The following TMCC3 variants were observed in gnomAD, a reference collection of about 807,000 sequenced individuals.
TMCC3 encodes the protein transmembrane and coiled-coil domain protein 3.
A neutral mutation model predicts 40.2 loss-of-function variants in TMCC3; 28 were observed. The ratio of observed to expected loss-of-function variants is 0.70; its 90% CI spans 0.52 to 0.95. The LOEUF (loss-of-function observed/expected upper bound fraction) is 0.95. Ranked by LOEUF, TMCC3 falls within the 40% of genes least tolerant of loss-of-function variation. The pLI is 0.00. For missense variants in TMCC3, 554 were observed against 615.2 expected (o/e 0.90, Z 1.05); for synonymous variants, 255 against 248.5 (o/e 1.03, Z -0.25).
At chr12:94,602,843 G>A (rs1335854063) in intron 1 of TMCC3, among the ~76,000 whole-genome samples, 5 of 152,110 alleles carry the variant, frequency 3.3e-5, no homozygotes, top group African/African-American at 1.2e-4. Flanking sequence ...GTGACCTCAA[G>A]AAGACAACTG....
At chr12:94,583,222 C>T (rs1202855430) in intron 1 of TMCC3, among the ~76,000 whole-genome samples, 5 of 149,566 alleles carry the variant, frequency 3.3e-5, no homozygotes, top group Non-Finnish European at 7.4e-5. Flanking sequence ...GGGCGTGGCG[C>T]TGCTGGGCGA....
intron 1 of TMCC3, among the ~76,000 whole-genome samples, chr12:94,625,484 C>T (rs1437315530): frequency 6.6e-6 from 1 of 151,460 alleles, no homozygotes; most frequent in Non-Finnish European, 1.5e-5. Flanking sequence ...GTCCCAAATA[C>T]TCAGGAGGCT....
At chr12:94,619,277 G>C (rs1353694830) in intron 1 of TMCC3, among the ~76,000 whole-genome samples, 1 of 152,146 alleles carries the variant, frequency 6.6e-6, no homozygotes, top group Non-Finnish European at 1.5e-5. Flanking sequence ...GCCTGATCTA[G>C]AGCAGGATTT....
intron 1 of TMCC3, among the ~76,000 whole-genome samples, chr12:94,585,589 C>T (rs966852197): frequency 2.0e-5 from 3 of 151,850 alleles, no homozygotes; most frequent in East Asian, 1.9e-4. Context: ...CCCAGCTACC[C>T]GGGAGGCTGA....
At chr12:94,618,056 C>A (rs982569570) in intron 1 of TMCC3, among the ~76,000 whole-genome samples, 1 of 152,148 alleles carries the variant, frequency 6.6e-6, no homozygotes, top group East Asian at 1.9e-4. Flanking sequence ...ACTTTCTTTG[C>A]TAGGTCATTT....
chr12:94,583,153 T>C (rs909684566), intron 1 of TMCC3, among the ~76,000 whole-genome samples: 2 of 145,116 alleles, frequency 1.4e-5, no homozygotes, highest in Non-Finnish European at 3.0e-5. Context: ...TATTTAGATA[T>C]GGAAACAACC....
At chr12:94,576,824 A>T (rs1423091762) in intron 3 of TMCC3, among the ~76,000 whole-genome samples, 1 of 151,994 alleles carries the variant, frequency 6.6e-6, no homozygotes, top group Non-Finnish European at 1.5e-5. Flanking sequence ...GGGTTGTTTC[A>T]CTACGTGCTA....
intron 1 of TMCC3, among the ~76,000 whole-genome samples, chr12:94,646,404 A>T (rs1222200483): frequency 6.6e-6 from 1 of 151,668 alleles, no homozygotes; most frequent in Non-Finnish European, 1.5e-5. Context: ...AAATTTTTTT[A>T]AATAGCTAAT....
At chr12:94,611,342 T>A (rs1000389795) in intron 1 of TMCC3, among the ~76,000 whole-genome samples, 4 of 152,178 alleles carry the variant, frequency 2.6e-5, no homozygotes, top group African/African-American at 9.7e-5. Context: ...ATTAAAATAT[T>A]GAATACTAAT....
At chr12:94,578,146 CAA>C (rs1183420863) in intron 3 of TMCC3, among the ~76,000 whole-genome samples, 2 of 34,868 alleles carry the variant, frequency 5.7e-5, no homozygotes, top group African/African-American at 2.4e-4. Flanking sequence ...AGACTCACCT[CAA>C]AAAAAAAAAA....
intron 2 of TMCC3, 125 bp downstream of exon 2, chr12:94,581,497 A>G: frequency 1.8e-6 from 1 of 549,032 alleles, no homozygotes; most frequent in Non-Finnish European, 2.8e-6. Flanking sequence ...TGCCACACCT[A>G]TCACGTACCC....
At chr12:94,619,482 CAGGCAG>C (rs981794269) in intron 1 of TMCC3, among the ~76,000 whole-genome samples, 30 of 152,324 alleles carry the variant, frequency 2.0e-4, no homozygotes, top group Middle Eastern at 3.4e-3. Flanking sequence ...GTCATTCCTC[CAGGCAG>C]AGGCCCCTGA....
chr12:94,607,376 C>T (rs915407215), intron 1 of TMCC3, among the ~76,000 whole-genome samples: 6 of 152,118 alleles, frequency 3.9e-5, no homozygotes, highest in Admixed American at 2.0e-4. Context: ...AGATTAAAGA[C>T]AGGCATAAGA....
At chr12:94,644,552 G>A in intron 1 of TMCC3, 2 of 359,242 alleles carry the variant, frequency 5.6e-6, no homozygotes, top group Non-Finnish European at 7.8e-6. Flanking sequence ...GGAAAAGCCT[G>A]CAACAAAGTA....
chr12:94,646,654 G>A (rs758959757), intron 1 of TMCC3, among the ~76,000 whole-genome samples: 1 of 151,006 alleles, frequency 6.6e-6, no homozygotes, highest in Non-Finnish European at 1.5e-5. Flanking sequence ...GGCCAGGTTG[G>A]TCTTGAACTC....
At chr12:94,638,550 C>T (rs2068972805) in intron 1 of TMCC3, among the ~76,000 whole-genome samples, 1 of 152,244 alleles carries the variant, frequency 6.6e-6, no homozygotes, top group South Asian at 2.1e-4. Flanking sequence ...TCCTTCCTGT[C>T]TCCCGTGCTT....
chr12:94,623,584 G>C (rs537847566), intron 1 of TMCC3, among the ~76,000 whole-genome samples: 1 of 152,334 alleles, frequency 6.6e-6, no homozygotes, highest in South Asian at 2.1e-4. Flanking sequence ...GCTGTAAAGA[G>C]AGCACGGTGT....
chr12:94,638,634 A>C (rs1049244742), intron 1 of TMCC3, among the ~76,000 whole-genome samples: 1 of 152,230 alleles, frequency 6.6e-6, no homozygotes, highest in Non-Finnish European at 1.5e-5. Context: ...AATGGGCTTC[A>C]TATTGTCAGA....
At chr12:94,636,130 A>C (rs2068959699) in intron 1 of TMCC3, among the ~76,000 whole-genome samples, 1 of 152,258 alleles carries the variant, frequency 6.6e-6, no homozygotes, top group African/African-American at 2.4e-5. Context: ...CTTGATACAT[A>C]TGAACAGCGG....
Sources: allele counts gnomAD v4.1 joint callset (sites outside exome capture counted in the v4.1 genomes callset), GRCh38; gene constraint gnomAD v4.1.1; transcripts MANE v1.5; gene names NCBI Gene and HGNC (gene_info 2026-07-23, HGNC 2026-07-21).